Variants in AGPAT4 observed in about 807,000 individuals in gnomAD.
AGPAT4 encodes the protein 1-acyl-sn-glycerol-3-phosphate acyltransferase delta.
A neutral mutation model predicts 48.0 loss-of-function variants in AGPAT4; 15 were observed. The ratio of observed to expected loss-of-function variants is 0.31; its 90% CI spans 0.21 to 0.48. The LOEUF is 0.48. Among genes scored for constraint, AGPAT4 ranks in the 20% least tolerant of loss-of-function variants. AGPAT4 has a pLI of 0.99. For synonymous variants in AGPAT4, 178 were observed against 198.7 expected, an observed-to-expected ratio of 0.90 and a Z score of 0.88; for missense variants, 314 against 482.5, an observed-to-expected ratio of 0.65 and a Z score of 3.27.
At position 161,218,421 on chromosome 6, in the gene AGPAT4, TCTGA is replaced by T. The variant is rs539702424; in HGVS notation, c.178+13611_178+13614del. ...ACGACTCCCTCTGCTGGCATGATGG[TCTGA>T]CTAAGTGGGGAAATCACAGCAAGAA... On this transcript the variant is annotated intron_variant, in intron 2 of 8. Coordinates refer to ENST00000320285, the MANE Select transcript of AGPAT4 (RefSeq NM_020133.3). This position sits in a 1 kb window ranked among gnomAD's most constrained non-coding sequence, Gnocchi z 4.7. 2.0e-5 allele frequency among the ~76,000 whole-genome samples: 3 copies of T among 152,216 alleles called. No homozygotes were observed. Among genetic ancestry groups the T allele is most frequent in the Non-Finnish European group, 4.4e-5 (3 of 68,036 alleles).
intron 2 of AGPAT4, among the ~76,000 whole-genome samples, chr6:161,211,760 C>T (rs1562340129): frequency 6.6e-6 from 1 of 152,068 alleles, no homozygotes; most frequent in Non-Finnish European, 1.5e-5. Context: ...TTTTAAAGTA[C>T]TTGTGACACT....
chr6:161,140,080 C>T lies in AGPAT4; in HGVS notation c.844-460G>A, dbSNP rs1027736011. 1.3e-5 allele frequency among the ~76,000 whole-genome samples: 2 copies of T among 152,234 alleles called. No homozygotes were observed. Among genetic ancestry groups the T allele is most frequent in the Admixed American group, 6.5e-5 (1 of 15,288 alleles). The stretch of plus-strand genomic sequence containing the variant: ...ACCTGGCCCGCAGTCAGGAGGAGCT[C>T]GCCCAGCCCGGCCCGGCACATGCCC... On this transcript the variant is annotated intron_variant, in intron 7 of 8. Coordinates refer to ENST00000320285, the MANE Select transcript of AGPAT4 (RefSeq NM_020133.3). This position sits in a 1 kb window ranked among gnomAD's most constrained non-coding sequence, Gnocchi z 6.5.
rs1000174846 is a variant in AGPAT4 at position 161,206,882 on chromosome 6, C to T, written c.178+25154G>A. Reference sequence around the variant, plus strand: ...AAAAGTAATTGGTCAAAATAAGACACTCAATGGATGAGCTCAGCAGAAGAG... The same window carrying T: ...AAAAGTAATTGGTCAAAATAAGACATTCAATGGATGAGCTCAGCAGAAGAG... On this transcript the variant is annotated intron_variant, in intron 2 of 8. Coordinates refer to ENST00000320285, the MANE Select transcript of AGPAT4 (RefSeq NM_020133.3). This position sits in a 1 kb window ranked among gnomAD's most constrained non-coding sequence, Gnocchi z 4.8. Among the ~76,000 whole-genome samples, 11 of 152,116 alleles carry T rather than the reference C, an allele frequency of 7.2e-5. No homozygotes were observed. The highest frequency in any genetic ancestry group is 1.5e-5 in the Non-Finnish European group (1 of 68,018).
At chr6:161,205,227 C>T (rs1034881741) in intron 2 of AGPAT4, among the ~76,000 whole-genome samples, 2 of 152,176 alleles carry the variant, frequency 1.3e-5, no homozygotes, top group African/African-American at 4.8e-5. Context: ...AGTGGGCATG[C>T]ACATCCCACT....
chr6:161,223,757 G>A lies in AGPAT4; in HGVS notation c.178+8279C>T, dbSNP rs2115029475. Among the ~76,000 whole-genome samples, 1 of 152,244 alleles carries A rather than the reference G, an allele frequency of 6.6e-6. No homozygotes were observed. Among genetic ancestry groups the A allele is most frequent in the East Asian group, 1.9e-4 (1 of 5,174 alleles). Reference sequence around the variant, plus strand: ...ACCTCCAGAGCTTGGCTCCTCAAATGCAGGGCAGGGCTGGGTTGTGCCAAA... The same window carrying A: ...ACCTCCAGAGCTTGGCTCCTCAAATACAGGGCAGGGCTGGGTTGTGCCAAA... On this transcript the variant is annotated intron_variant, in intron 2 of 8. Coordinates refer to ENST00000320285, the MANE Select transcript of AGPAT4 (RefSeq NM_020133.3). The surrounding 1 kb of genome is among the most constrained non-coding windows in gnomAD (Gnocchi z 6.3).
At chr6:161,163,952 TTA>T in intron 3 of AGPAT4, among the ~76,000 whole-genome samples, 1 of 152,284 alleles carries the variant, frequency 6.6e-6, no homozygotes, top group Middle Eastern at 3.4e-3. Context: ...GCAGACCCCC[TTA>T]CACACAGCAT....
chr6:161,185,283 CT>C (rs35820706), intron 2 of AGPAT4, among the ~76,000 whole-genome samples: 9,709 of 109,268 alleles, frequency 0.089, 227 homozygotes, highest in Non-Finnish European at 0.13. Flanking sequence ...TTTAAGATGT[CT>C]TTTTTTTTTT....
Position 161,143,314 on chromosome 6 carries a change from A to G in AGPAT4, c.843+3210T>C, listed in dbSNP as rs1228425774. On this transcript the variant is annotated intron_variant, in intron 7 of 8. Transcript: ENST00000320285. The surrounding 1 kb of genome is among the most constrained non-coding windows in gnomAD (Gnocchi z 4.7). ...GGTCTCAAACCCCTGGCCTCAAGTG[A>G]TCCTCCAGCCTCAGCCTCCCAAAGT... is the stretch of plus-strand genomic sequence containing the variant. 6.6e-6 allele frequency among the ~76,000 whole-genome samples: 1 copy of G among 152,124 alleles called. No individual in the cohort carries two copies. The highest frequency in any genetic ancestry group is 1.5e-5 in the Non-Finnish European group (1 of 68,020).
chr6:161,155,173 C>T lies in AGPAT4; in HGVS notation c.349-863G>A, dbSNP rs930992535. On this transcript the variant is annotated intron_variant, in intron 3 of 8. Coordinates refer to ENST00000320285, the MANE Select transcript of AGPAT4 (RefSeq NM_020133.3). This position sits in a 1 kb window ranked among gnomAD's most constrained non-coding sequence, Gnocchi z 5.8. ...CTGGGTCCCCAGGGCTCGGTGTGGC[C>T]CTCCCCAGCCAGGCGTCCACTACAT... Among the ~76,000 whole-genome samples the T allele has an allele frequency of 6.6e-6, 1 of 152,210 alleles. No homozygotes were observed. The highest frequency in any genetic ancestry group is 2.4e-5 in the African/African-American group (1 of 41,454).
In AGPAT4 at chr6:161,180,221, T is replaced by A. The variant is rs1281359278; in HGVS notation, c.179-13804A>T. Among the ~76,000 whole-genome samples the A allele has an allele frequency of 6.6e-6, 1 of 152,106 alleles. No individual in the cohort carries two copies. Among genetic ancestry groups the A allele is most frequent in the African/African-American group, 2.4e-5 (1 of 41,414 alleles). On this transcript the variant is annotated intron_variant, in intron 2 of 8. Transcript: ENST00000320285. The surrounding 1 kb of genome is among the most constrained non-coding windows in gnomAD (Gnocchi z 6.4). Reference sequence around the variant, plus strand: ...GTAGAGAGGGGTCTTAGGCTCCCCTTCCCCACCATTCCCCAAGGCTCCTGC... The same window carrying A: ...GTAGAGAGGGGTCTTAGGCTCCCCTACCCCACCATTCCCCAAGGCTCCTGC...
chr6:161,145,363 T>C (rs1779388945), intron 7 of AGPAT4, among the ~76,000 whole-genome samples: 2 of 151,612 alleles, frequency 1.3e-5, no homozygotes, highest in East Asian at 3.9e-4. Context: ...TTTGTGTATT[T>C]GTAAGGGGAT....
rs576087767 is a variant in AGPAT4, at chr6:161,212,517, T to C, written c.178+19519A>G. On this transcript the variant is annotated intron_variant, in intron 2 of 8. Transcript: ENST00000320285. The surrounding 1 kb of genome is among the most constrained non-coding windows in gnomAD (Gnocchi z 6.1). ...TGGTATAAAAATTATACAGGAAACA[T>C]TGTCAAATACGAAATGGTGTTTGGT... Among the ~76,000 whole-genome samples the C allele has an allele frequency of 2.6e-5, 4 of 152,332 alleles. No individual in the cohort carries two copies. Among genetic ancestry groups the C allele is most frequent in the South Asian group, 4.1e-4 (2 of 4,832 alleles).
rs892524638 is a variant in AGPAT4, at chr6:161,262,765, C to T, written c.-90+11173G>A. ...TAGCTTCTTGGGACTTGAACTGGTA[C>T]ATTTCACACGCCTCTTTTGTTTTGA... On this transcript the variant is annotated intron_variant, in intron 1 of 8. Transcript: ENST00000320285. The surrounding 1 kb of genome is among the most constrained non-coding windows in gnomAD (Gnocchi z 4.9). Among the ~76,000 whole-genome samples, 2 of 152,170 alleles carry T rather than the reference C, an allele frequency of 1.3e-5. No individual in the cohort carries two copies.
rs893068307 is a variant in AGPAT4 at position 161,270,610 on chromosome 6, A to G, written c.-90+3328T>C. 1.3e-5 allele frequency among the ~76,000 whole-genome samples: 2 copies of G among 152,074 alleles called. No individual in the cohort carries two copies. The highest frequency in any genetic ancestry group is 4.8e-5 in the African/African-American group (2 of 41,396). ...ACAGTGAAATTCTATCTCTACTAAAAATACAAAAAAATAAAAAATAAATTA... is the reference window on the plus strand; with the variant it reads ...ACAGTGAAATTCTATCTCTACTAAAGATACAAAAAAATAAAAAATAAATTA... On this transcript the variant is annotated intron_variant, in intron 1 of 8. Coordinates refer to ENST00000320285, the MANE Select transcript of AGPAT4 (RefSeq NM_020133.3). The surrounding 1 kb of genome is among the most constrained non-coding windows in gnomAD (Gnocchi z 5.3).
chr6:161,267,054 C>T lies in AGPAT4; in HGVS notation c.-90+6884G>A, dbSNP rs974946630. ...GAAAGCCTCTGACTCCATCCACCCA[C>T]CGCCTTGGGAACTCTGAGAGCAGCC... On this transcript the variant is annotated intron_variant, in intron 1 of 8. Coordinates refer to ENST00000320285, the MANE Select transcript of AGPAT4 (RefSeq NM_020133.3). This position sits in a 1 kb window ranked among gnomAD's most constrained non-coding sequence, Gnocchi z 5.2. Among the ~76,000 whole-genome samples the T allele has an allele frequency of 2.0e-5, 3 of 152,214 alleles. 1 individual carries two copies. The highest frequency in any genetic ancestry group is 4.4e-5 in the Non-Finnish European group (3 of 68,042).
In AGPAT4 at chr6:161,244,143, T is replaced by C. The variant is rs1181754252; in HGVS notation, c.-89-11841A>G. Among the ~76,000 whole-genome samples, 1 of 152,242 alleles carries C rather than the reference T, an allele frequency of 6.6e-6. No individual in the cohort carries two copies. Among genetic ancestry groups the C allele is most frequent in the Non-Finnish European group, 1.5e-5 (1 of 68,050 alleles). Reference sequence around the variant, plus strand: ...CACTTTGGTGCTCTCTGAATGTACCTGTGTTTTCCTGATCTCAAACAGACA... The same window carrying C: ...CACTTTGGTGCTCTCTGAATGTACCCGTGTTTTCCTGATCTCAAACAGACA... On this transcript the variant is annotated intron_variant, in intron 1 of 8. Coordinates refer to ENST00000320285, the MANE Select transcript of AGPAT4 (RefSeq NM_020133.3). This position sits in a 1 kb window ranked among gnomAD's most constrained non-coding sequence, Gnocchi z 4.7.
intron 2 of AGPAT4, among the ~76,000 whole-genome samples, chr6:161,186,427 C>G (rs1299903509): frequency 6.6e-6 from 1 of 152,150 alleles, no homozygotes; most frequent in East Asian, 1.9e-4. Context: ...TGTTCCTGTG[C>G]ACACCACCGA....
At chr6:161,145,627 A>G (rs1017803461) in intron 7 of AGPAT4, among the ~76,000 whole-genome samples, 1 of 151,656 alleles carries the variant, frequency 6.6e-6, no homozygotes, top group Non-Finnish European at 1.5e-5. Flanking sequence ...ATCCTAACAC[A>G]TTCCCAAGTG....
At chr6:161,151,063 C>CA (rs35012147) in intron 5 of AGPAT4, among the ~76,000 whole-genome samples, 1 of 152,050 alleles carries the variant, frequency 6.6e-6, no homozygotes, top group Non-Finnish European at 1.5e-5. Context: ...AGGAAAACCT[C>CA]AAAAAAAGTG....
Sources: gnomAD v4.1 joint callset for allele counts (sites outside exome capture counted in the v4.1 genomes callset) on GRCh38, gnomAD v4.1.1 for gene constraint, Gnocchi (gnomAD v3.1) non-coding constraint, MANE v1.5 for transcripts, NCBI Gene and HGNC (gene_info 2026-07-23, HGNC 2026-07-21) for gene names.